The following DLGAP2 variants were observed in gnomAD, a reference collection of about 807,000 sequenced individuals.
DLGAP2 encodes the protein DLG associated protein 2.
In DLGAP2, 26 loss-of-function variants were observed where a neutral mutation model predicts 100.3. The ratio of observed to expected loss-of-function variants is 0.26; its 90% CI spans 0.19 to 0.36. The LOEUF (loss-of-function observed/expected upper bound fraction) is 0.36. DLGAP2 is among the 10% of genes least tolerant of loss of function. The pLI, the probability that DLGAP2 is intolerant of heterozygous loss-of-function variation, is 1.00. For missense variants in DLGAP2, 1,858 were observed against 1,453.2 expected (o/e 1.28, Z -4.53); for synonymous variants, 886 against 630.1 (o/e 1.41, Z -6.08).
chr8:1,157,563 C>T (rs1796814852), intron 2 of DLGAP2, among the ~76,000 whole-genome samples: 1 of 152,296 alleles, frequency 6.6e-6, no homozygotes, highest in South Asian at 2.1e-4. Flanking sequence ...TGCTCTGTGT[C>T]CCGGCTCCCA....
At chr8:1,289,491 G>A (rs1800012502) in intron 3 of DLGAP2, among the ~76,000 whole-genome samples, 1 of 152,174 alleles carries the variant, frequency 6.6e-6, no homozygotes, top group Non-Finnish European at 1.5e-5. Flanking sequence ...GACAGTATCA[G>A]TAAGACTCAC....
intron 8 of DLGAP2, among the ~76,000 whole-genome samples, chr8:1,635,869 A>G (rs1192878790): frequency 6.6e-6 from 1 of 152,200 alleles, no homozygotes; most frequent in African/African-American, 2.4e-5. Flanking sequence ...TGGTTTGGGG[A>G]CACCCCAGTT....
At chr8:1,070,860 C>G (rs1034950510) in intron 2 of DLGAP2, among the ~76,000 whole-genome samples, 7 of 152,204 alleles carry the variant, frequency 4.6e-5, no homozygotes, top group Admixed American at 3.9e-4. Context: ...CGCCCCTCGC[C>G]CTCACTCTCC....
chr8:1,242,643 G>A (rs1044741658), intron 2 of DLGAP2, among the ~76,000 whole-genome samples: 8 of 152,320 alleles, frequency 5.3e-5, no homozygotes, highest in African/African-American at 1.9e-4. Context: ...TTGTATGTTT[G>A]TTCTTAGGAT....
intron 3 of DLGAP2, among the ~76,000 whole-genome samples, chr8:1,378,655 C>T (rs1197990662): frequency 6.6e-6 from 1 of 152,256 alleles, no homozygotes; most frequent in Non-Finnish European, 1.5e-5. Flanking sequence ...GTCCGTCCTG[C>T]ACACATGGGT....
At chr8:780,291 G>C (rs186791749) in intron 1 of DLGAP2, among the ~76,000 whole-genome samples, 59 of 152,256 alleles carry the variant, frequency 3.9e-4, no homozygotes, top group African/African-American at 1.3e-3. Context: ...ATGTCTTCCA[G>C]GCTCATTCAC....
intron 6 of DLGAP2, among the ~76,000 whole-genome samples, chr8:1,580,343 T>C (rs1209233354): frequency 6.6e-6 from 1 of 152,088 alleles, no homozygotes; most frequent in Non-Finnish European, 1.5e-5. Context: ...AATAAAGGAT[T>C]TTGCTGGTGA....
chr8:743,917 A>G (rs1328142580), intron 1 of DLGAP2, among the ~76,000 whole-genome samples: 1 of 152,186 alleles, frequency 6.6e-6, no homozygotes, highest in Non-Finnish European at 1.5e-5. Flanking sequence ...TGTCTGGATC[A>G]CTCACTAAGC....
At position 1,283,001 on chromosome 8, in the gene DLGAP2, C is replaced by T. The variant is rs1329445093; in HGVS notation, c.106+24118C>T. 4.9e-5 allele frequency among the ~76,000 whole-genome samples: 6 copies of T among 121,790 alleles called. No individual in the cohort carries two copies. The East Asian group carries it at 1.7e-3, about 34-fold the overall frequency. The allele number at this position is 121,790 out of a possible 152,430, so 79.9% of individuals were successfully genotyped here. A position where few individuals can be genotyped will look rare whatever the true frequency, so the allele number is the denominator to read the frequency against. On this transcript the variant is annotated intron_variant, in intron 3 of 14. Transcript: ENST00000637795. ...GTGACCTGAATCCAGCCCCCTGAAC[C>T]ATACGGACATGGTGTGACCTGAGCC...
intron 2 of DLGAP2, among the ~76,000 whole-genome samples, chr8:1,036,651 G>C (rs773075382): frequency 4.6e-5 from 7 of 152,120 alleles, no homozygotes; most frequent in Non-Finnish European, 1.0e-4. Flanking sequence ...TCAAGGCAGG[G>C]CCTTGAACCG....
chr8:826,343 T>G (rs1188484752), intron 1 of DLGAP2, among the ~76,000 whole-genome samples: 1 of 152,214 alleles, frequency 6.6e-6, no homozygotes, highest in Non-Finnish European at 1.5e-5. Context: ...TTGGTTTTAT[T>G]GATTTTCATT....
rs531946842 is a variant in DLGAP2 at position 1,591,260 on chromosome 8, G to A, written c.1442+25366G>A. On this transcript the variant is annotated intron_variant, in intron 6 of 14. Transcript: ENST00000637795. ...AATTTCTAGGGAATTACAGGGAAGG[G>A]AGGTTAGAGCATGGGGGTCACTCAC... Among the ~76,000 whole-genome samples the A allele has an allele frequency of 2.0e-5, 3 of 151,846 alleles. No homozygotes were observed. In the South Asian group the frequency reaches 6.2e-4, roughly 32 times the overall value.
intron 2 of DLGAP2, among the ~76,000 whole-genome samples, chr8:994,720 G>A (rs750849708): frequency 1.3e-5 from 2 of 152,184 alleles, no homozygotes; most frequent in African/African-American, 4.8e-5. Context: ...TCATATGACT[G>A]CTGGGCATTG....
chr8:1,341,515 G>T (rs1311893225), intron 3 of DLGAP2, among the ~76,000 whole-genome samples: 1 of 152,206 alleles, frequency 6.6e-6, no homozygotes, highest in African/African-American at 2.4e-5. Context: ...TACAGTATGG[G>T]CTGGATGAGT....
intron 12 of DLGAP2, 35 bp downstream of exon 12, chr8:1,678,664 A>G: frequency 1.4e-6 from 2 of 1,455,328 alleles, no homozygotes; most frequent in East Asian, 2.5e-5. Context: ...CCTCTTAAAT[A>G]TCATTTCTCA....
chr8:1,079,047 A>C (rs556052539), intron 2 of DLGAP2, among the ~76,000 whole-genome samples: 1 of 152,214 alleles, frequency 6.6e-6, no homozygotes, highest in Non-Finnish European at 1.5e-5. Context: ...CTGTTGCTCC[A>C]TGTCCTCACC....
rs565510857 is a variant in DLGAP2, at chr8:1,088,359, C to T, written c.74-170492C>T. ...AGGGCCTGGTGGGGACTGGGTGACA[C>T]AGGACTTTCTAAGCAAGGTGAAAAG... On this transcript the variant is annotated intron_variant, in intron 2 of 14. Transcript: ENST00000637795. 2.7e-5 allele frequency among the ~76,000 whole-genome samples: 4 copies of T among 149,138 alleles called. No individual in the cohort carries two copies. The East Asian group carries it at 7.8e-4, about 29-fold the overall frequency.
chr8:1,247,538 G>A (rs1422805283), intron 2 of DLGAP2, among the ~76,000 whole-genome samples: 2 of 33,670 alleles, frequency 5.9e-5, no homozygotes, highest in Admixed American at 4.9e-4. Context: ...GTTGGTGGCC[G>A]GCAAGACCTT....
chr8:1,485,346 T>C (rs1356095050), intron 3 of DLGAP2, among the ~76,000 whole-genome samples: 2 of 152,194 alleles, frequency 1.3e-5, no homozygotes, highest in Non-Finnish European at 2.9e-5. Flanking sequence ...GCAGGACTTA[T>C]CTATGATTCA....
Sources: gnomAD v4.1 joint callset for allele counts (sites outside exome capture counted in the v4.1 genomes callset) on GRCh38, gnomAD v4.1.1 for gene constraint, MANE v1.5 for transcripts, NCBI Gene and HGNC (gene_info 2026-07-23, HGNC 2026-07-21) for gene names.